The following GPHN variants were observed in gnomAD, a reference collection of about 807,000 sequenced individuals.
GPHN encodes gephyrin.
Under a neutral mutation model 95.5 loss-of-function variants are expected in GPHN, and 17 were observed. That is an observed-to-expected ratio of 0.18 (90% CI 0.12 to 0.27). GPHN has a LOEUF of 0.27. GPHN is among the 10% of genes least tolerant of loss of function. The pLI is 1.00. For missense variants in GPHN, 660 were observed against 978.1 expected, an observed-to-expected ratio of 0.67 and a Z score of 4.34; for synonymous variants, 320 against 322.5, an observed-to-expected ratio of 0.99 and a Z score of 0.08.
chr14:67,317,477 A>T, the GPHN span: 1 of 1,601,258 alleles, frequency 6.2e-7, no homozygotes. Flanking sequence ...AATAAAAATG[A>T]TGGTAAGTTC....
chr14:67,376,047 A>G, the GPHN span, among the ~76,000 whole-genome samples: 2 of 152,176 alleles, frequency 1.3e-5, no homozygotes, highest in Admixed American at 1.3e-4. Flanking sequence ...AAGATGACAG[A>G]AAAAAAATTT....
intron 9 of GPHN, among the ~76,000 whole-genome samples, chr14:67,019,357 G>C (rs1379838102): frequency 1.3e-5 from 2 of 152,062 alleles, no homozygotes; most frequent in Non-Finnish European, 2.9e-5. Context: ...GTTTAAAATG[G>C]AAAGATAGTT....
chr14:66,607,261 G>A (rs192180754), intron 1 of GPHN, among the ~76,000 whole-genome samples: 21 of 152,092 alleles, frequency 1.4e-4, no homozygotes, highest in African/African-American at 5.1e-4. Context: ...CTGTTTATGT[G>A]GTGAATCACA....
chr14:66,850,156 C>T (rs1432266283), intron 4 of GPHN, among the ~76,000 whole-genome samples: 1 of 152,026 alleles, frequency 6.6e-6, no homozygotes, highest in East Asian at 1.9e-4. Context: ...AATTAATGGT[C>T]TATTCATAGA....
chr14:66,664,272 A>G (rs539751364), intron 1 of GPHN, among the ~76,000 whole-genome samples: 288 of 152,350 alleles, frequency 1.9e-3, no homozygotes, highest in African/African-American at 6.4e-3. Flanking sequence ...AACTGAAATC[A>G]TAACCAACAG....
intron 5 of GPHN, among the ~76,000 whole-genome samples, chr14:66,906,594 C>G (rs1357800302): frequency 3.9e-5 from 6 of 152,136 alleles, no homozygotes; most frequent in Admixed American, 3.9e-4. Flanking sequence ...TATTTGAGTT[C>G]TGGGATATTT....
chr14:67,383,389 A>G, the GPHN span: 3,262 of 1,613,752 alleles, frequency 2.0e-3, 84 homozygotes, highest in East Asian at 0.047. Context: ...AAAATGCCGA[A>G]GTGGATGGAG....
chr14:67,165,785 C>G (rs2082242983), intron 20 of GPHN, among the ~76,000 whole-genome samples: 1 of 152,168 alleles, frequency 6.6e-6, no homozygotes, highest in African/African-American at 2.4e-5. Flanking sequence ...TACAACTTCC[C>G]CACTCCCACC....
chr14:67,039,726 G>A (rs539475261), intron 10 of GPHN, among the ~76,000 whole-genome samples: 12 of 152,302 alleles, frequency 7.9e-5, no homozygotes, highest in Admixed American at 5.9e-4. Flanking sequence ...CCAGGAGGTG[G>A]AGGTTACAGT....
chr14:67,686,467 C>T, the GPHN span, among the ~76,000 whole-genome samples: 4 of 151,928 alleles, frequency 2.6e-5, no homozygotes, highest in Non-Finnish European at 5.9e-5. Flanking sequence ...AGTGAAACCC[C>T]GTCTCTACTA....
At chr14:67,504,754 G>A in the GPHN span, among the ~76,000 whole-genome samples, 3 of 152,034 alleles carry the variant, frequency 2.0e-5, no homozygotes, top group East Asian at 3.9e-4. Context: ...GCGTGGTGGC[G>A]GGTGCCCATA....
intron 19 of GPHN, 61 bp downstream of exon 19, chr14:67,159,549 AT>A (rs1363251396): frequency 3.5e-5 from 30 of 860,840 alleles, no homozygotes; most frequent in Non-Finnish European, 5.7e-5. Flanking sequence ...TAACTAACAA[AT>A]TTTTAAATGC....
At chr14:67,510,017 AT>A in the GPHN span, among the ~76,000 whole-genome samples, 1 of 96,124 alleles carries the variant, frequency 1.0e-5, no homozygotes, top group Non-Finnish European at 2.8e-5. Context: ...CTCTAAAAAA[AT>A]TTTTTTATTA....
At chr14:67,017,870 A>C (rs2073398060) in intron 9 of GPHN, among the ~76,000 whole-genome samples, 1 of 152,106 alleles carries the variant, frequency 6.6e-6, no homozygotes, top group South Asian at 2.1e-4. Context: ...AGCTGATAAA[A>C]CAGGTACAGG....
the GPHN span, among the ~76,000 whole-genome samples, chr14:67,582,565 T>A: frequency 6.6e-6 from 1 of 152,166 alleles, no homozygotes; most frequent in Admixed American, 6.5e-5. The surrounding 1 kb of genome is among the most constrained non-coding windows in gnomAD (Gnocchi z 5.0). Flanking sequence ...ATGCCTGTAA[T>A]GTCAGCACTT....
In GPHN at chr14:66,782,372, C is replaced by T. The variant is rs181702955; in HGVS notation, c.201+5851C>T. ...GTTTTTCTTTTTTATTTTATTGGCT[C>T]ATGTATTGATTGCTCCAGATAACAT... On this transcript the variant is annotated intron_variant, in intron 3 of 22. Coordinates refer to ENST00000478722, the MANE Select transcript of GPHN (RefSeq NM_020806.5). 2.8e-3 allele frequency among the ~76,000 whole-genome samples: 429 copies of T among 152,178 alleles called. 1 individual carries two copies. Among genetic ancestry groups the T allele is most frequent in the Non-Finnish European group, 4.6e-3 (312 of 68,004 alleles).
chr14:67,507,775 T>C, the GPHN span, among the ~76,000 whole-genome samples: 1 of 152,130 alleles, frequency 6.6e-6, no homozygotes, highest in Non-Finnish European at 1.5e-5. Flanking sequence ...TTGCTCCCCA[T>C]GACATAGGAA....
intron 1 of GPHN, among the ~76,000 whole-genome samples, chr14:66,658,724 T>A (rs778575853): frequency 3.3e-5 from 5 of 152,196 alleles, no homozygotes; most frequent in African/African-American, 7.2e-5. Context: ...AGCATAAACA[T>A]AACTTTATAT....
chr14:66,730,796 T>G (rs1275129251), intron 2 of GPHN, among the ~76,000 whole-genome samples: 2 of 152,210 alleles, frequency 1.3e-5, no homozygotes, highest in African/African-American at 4.8e-5. Context: ...TATCAAATGT[T>G]CAGTAAATAT....
Sources: allele counts gnomAD v4.1 joint callset (sites outside exome capture counted in the v4.1 genomes callset), GRCh38; gene constraint gnomAD v4.1.1; non-coding constraint Gnocchi (gnomAD v3.1); transcripts MANE v1.5; gene names NCBI Gene and HGNC (gene_info 2026-07-23, HGNC 2026-07-21).